Variants in NCAM1 observed in about 807,000 individuals in gnomAD.
NCAM1 encodes antigen recognized by monoclonal antibody 5.1H11.
Under a neutral mutation model 109.8 loss-of-function variants are expected in NCAM1, and 14 were observed. That is an observed-to-expected ratio of 0.13 (90% CI 0.08 to 0.20). The LOEUF (loss-of-function observed/expected upper bound fraction) is 0.20, where lower values mean the gene tolerates loss of function less well. Among genes scored for constraint, NCAM1 ranks in the 10% least tolerant of loss-of-function variants. The pLI is 1.00. For synonymous variants in NCAM1, 418 were observed against 442.9 expected, an observed-to-expected ratio of 0.94 and a Z score of 0.70; for missense variants, 774 against 1,109.9, an observed-to-expected ratio of 0.70 and a Z score of 4.30.
At chr11:113,204,623 C>G in intron 3 of NCAM1, 119 bp downstream of exon 3, 1 of 983,626 alleles carries the variant, frequency 1.0e-6, no homozygotes, top group Non-Finnish European at 1.5e-6. Flanking sequence ...CAGTCCCATT[C>G]TCTCTCCCTA....
intron 1 of NCAM1, among the ~76,000 whole-genome samples, chr11:113,165,912 A>C (rs1226185688): frequency 6.6e-6 from 1 of 151,208 alleles, no homozygotes; most frequent in East Asian, 2.0e-4. Context: ...TCCCGGGTTC[A>C]TGCCATTCTC....
At chr11:113,115,080 A>T (rs1315279025) in intron 1 of NCAM1, among the ~76,000 whole-genome samples, 1 of 152,200 alleles carries the variant, frequency 6.6e-6, no homozygotes, top group Non-Finnish European at 1.5e-5. Flanking sequence ...GCCCCTGGAC[A>T]GTCAGCACCC....
intron 1 of NCAM1, among the ~76,000 whole-genome samples, chr11:113,092,422 C>G (rs1555089529): frequency 6.6e-6 from 1 of 152,080 alleles, no homozygotes; most frequent in Non-Finnish European, 1.5e-5. Flanking sequence ...TGAATCATTG[C>G]AACAACTCTG....
chr11:113,076,637 G>A (rs782493481), intron 1 of NCAM1, among the ~76,000 whole-genome samples: 8 of 151,992 alleles, frequency 5.3e-5, no homozygotes, highest in Admixed American at 3.3e-4. Context: ...CTTAGACAGT[G>A]GTAGAATCCA....
intron 1 of NCAM1, among the ~76,000 whole-genome samples, chr11:113,062,249 C>G (rs1937696824): frequency 6.6e-6 from 1 of 152,154 alleles, no homozygotes; most frequent in Admixed American, 6.5e-5. Context: ...TGGTCACTGT[C>G]CATTCTTCCT....
intron 1 of NCAM1, among the ~76,000 whole-genome samples, chr11:113,086,677 G>C (rs1230982894): frequency 6.6e-6 from 1 of 152,056 alleles, no homozygotes; most frequent in South Asian, 2.1e-4. Context: ...GGTTTGCCAT[G>C]TTACTTTGCA....
At chr11:113,224,968 C>A (rs1555115960) in intron 9 of NCAM1, among the ~76,000 whole-genome samples, 1 of 152,152 alleles carries the variant, frequency 6.6e-6, no homozygotes, top group East Asian at 1.9e-4. Context: ...GTAGATAAAA[C>A]CACAAAGATG....
At chr11:112,978,968 T>A (rs1015108591) in intron 1 of NCAM1, among the ~76,000 whole-genome samples, 17 of 152,022 alleles carry the variant, frequency 1.1e-4, no homozygotes, top group African/African-American at 1.9e-4. Flanking sequence ...GTGAAACTAC[T>A]TGTTATTATC....
intron 1 of NCAM1, among the ~76,000 whole-genome samples, chr11:113,145,763 A>G (rs1379753383): frequency 7.5e-6 from 1 of 133,588 alleles, no homozygotes; most frequent in African/African-American, 2.8e-5. Context: ...CCCCACCCCC[A>G]CTTTCCTCCA....
intron 1 of NCAM1, among the ~76,000 whole-genome samples, chr11:113,065,458 G>A (rs1292613866): frequency 6.6e-6 from 1 of 152,134 alleles, no homozygotes; most frequent in Non-Finnish European, 1.5e-5. Context: ...GAGAAACCTG[G>A]TAAATAGTAC....
intron 1 of NCAM1, among the ~76,000 whole-genome samples, chr11:113,025,737 C>A (rs1257547254): frequency 1.5e-5 from 2 of 131,242 alleles, no homozygotes; most frequent in African/African-American, 5.7e-5. Flanking sequence ...AAAAAAAGCT[C>A]TCTCTGATAT....
intron 1 of NCAM1, among the ~76,000 whole-genome samples, chr11:113,074,906 A>G (rs1037496371): frequency 4.6e-5 from 7 of 152,186 alleles, no homozygotes; most frequent in Admixed American, 1.3e-4. Flanking sequence ...TGCTGGGATT[A>G]TAGGCGTCAG....
chr11:113,145,748 C>A (rs1220614982), intron 1 of NCAM1, among the ~76,000 whole-genome samples: 3 of 151,892 alleles, frequency 2.0e-5, no homozygotes, highest in African/African-American at 7.3e-5. Context: ...GGAGCATGGA[C>A]CCCACCCCAC....
chr11:113,181,626 T>C (rs2136589042), intron 1 of NCAM1, among the ~76,000 whole-genome samples: 1 of 152,222 alleles, frequency 6.6e-6, no homozygotes, highest in East Asian at 1.9e-4. Flanking sequence ...TGGCGCATGT[T>C]TACCTATGCA....
intron 1 of NCAM1, among the ~76,000 whole-genome samples, chr11:113,108,178 A>C (rs1460346511): frequency 2.0e-5 from 3 of 152,176 alleles, no homozygotes; most frequent in Non-Finnish European, 1.5e-5. Context: ...TAGTGTATGC[A>C]TAACTTTTAA....
At chr11:113,087,792 A>C (rs540914915) in intron 1 of NCAM1, among the ~76,000 whole-genome samples, 1 of 152,242 alleles carries the variant, frequency 6.6e-6, no homozygotes, top group Non-Finnish European at 1.5e-5. Flanking sequence ...TGGCCTTTTC[A>C]GAGAAAGCAG....
intron 1 of NCAM1, among the ~76,000 whole-genome samples, chr11:113,196,728 C>T (rs1408899420): frequency 6.6e-6 from 1 of 152,170 alleles, no homozygotes; most frequent in Non-Finnish European, 1.5e-5. Context: ...GTAGTCTGGG[C>T]TGGTGTCCTT....
intron 1 of NCAM1, among the ~76,000 whole-genome samples, chr11:113,096,111 G>A (rs56126914): frequency 0.086 from 13,135 of 152,184 alleles, 745 homozygotes; most frequent in East Asian, 0.12. Context: ...TTCAGGAAGT[G>A]CACTGGGGTC....
intron 1 of NCAM1, among the ~76,000 whole-genome samples, chr11:113,163,933 G>A (rs1317811052): frequency 6.6e-6 from 1 of 152,118 alleles, no homozygotes; most frequent in Non-Finnish European, 1.5e-5. Context: ...GGTGCTGGGT[G>A]CCATGAGAAG....
Sources: gnomAD v4.1 joint callset for allele counts (sites outside exome capture counted in the v4.1 genomes callset) on GRCh38, gnomAD v4.1.1 for gene constraint, MANE v1.5 for transcripts, NCBI Gene and HGNC (gene_info 2026-07-23, HGNC 2026-07-21) for gene names.